Variants in CPN1 observed in about 807,000 individuals in gnomAD.
CPN1 encodes the protein carboxypeptidase N subunit 1.
In CPN1, 37 loss-of-function variants were observed where a neutral mutation model predicts 46.4. The ratio of observed to expected loss-of-function variants is 0.80; its 90% CI spans 0.61 to 1.05. CPN1 has a LOEUF of 1.05. CPN1 is among the 50% of genes least tolerant of loss of function. The pLI is 0.00. For synonymous variants in CPN1, 224 were observed against 235.4 expected (o/e 0.95, Z 0.44); for missense variants, 563 against 602.6 (o/e 0.93, Z 0.69).
intron 2 of CPN1, among the ~76,000 whole-genome samples, chr10:100,075,262 C>A (rs1329774200): frequency 3.3e-5 from 5 of 152,180 alleles, no homozygotes; most frequent in Non-Finnish European, 5.9e-5. Context: ...TGCACTCCAG[C>A]CTGGGCAACA....
intron 5 of CPN1, among the ~76,000 whole-genome samples, chr10:100,058,007 C>T (rs1169991424): frequency 1.3e-5 from 2 of 152,088 alleles, no homozygotes; most frequent in Admixed American, 6.6e-5. Flanking sequence ...CCCTTCATTA[C>T]CTTCTTTTTT....
chr10:100,062,359 A>G lies in CPN1; in HGVS notation c.871+1255T>C, dbSNP rs114767527. Among the ~76,000 whole-genome samples the G allele has an allele frequency of 2.5e-3, 374 of 152,290 alleles. 4 individuals are homozygous for G. The highest frequency in any genetic ancestry group is 8.3e-3 in the African/African-American group (345 of 41,554). Reference sequence around the variant, plus strand: ...CTTGAAGGTTACATTATCAATGGCCAATGTCCATGGCAAACCCCTGCTTGT... The same window carrying G: ...CTTGAAGGTTACATTATCAATGGCCGATGTCCATGGCAAACCCCTGCTTGT... On this transcript the variant is annotated intron_variant, in intron 5 of 8. Coordinates refer to ENST00000370418, the MANE Select transcript of CPN1 (RefSeq NM_001308.3).
At chr10:100,045,329 A>G (rs1482055827) in intron 8 of CPN1, among the ~76,000 whole-genome samples, 2 of 152,238 alleles carry the variant, frequency 1.3e-5, no homozygotes, top group East Asian at 3.8e-4. Context: ...TAGCTGCTTA[A>G]CAGTCATTCA....
chr10:100,046,444 C>T (rs1176033164), intron 8 of CPN1, among the ~76,000 whole-genome samples: 2 of 152,118 alleles, frequency 1.3e-5, no homozygotes, highest in African/African-American at 4.8e-5. Flanking sequence ...TGCCCTCCAG[C>T]CTGGGCTACA....
intron 6 of CPN1, 141 bp downstream of exon 6, chr10:100,056,872 T>A: frequency 9.6e-7 from 1 of 1,038,100 alleles, no homozygotes; most frequent in Non-Finnish European, 1.5e-6. Context: ...GTTGAATGAA[T>A]AAATCTCAAT....
chr10:100,059,075 A>G (rs2041401901), intron 5 of CPN1, among the ~76,000 whole-genome samples: 2 of 152,212 alleles, frequency 1.3e-5, no homozygotes, highest in African/African-American at 4.8e-5. Flanking sequence ...ACCCAAAACT[A>G]TAAAACTCTT....
Position 100,065,246 on chromosome 10 carries a change from A to G in CPN1, c.701T>C (p.Val234Ala). The change falls in exon 4 of 9, where the codon GTC becomes GCC. Residue 234 changes from valine to alanine, a missense_variant. Val to Ala is a moderately conservative substitution (Grantham distance 64). Coordinates refer to ENST00000370418, the MANE Select transcript of CPN1 (RefSeq NM_001308.3). The part of the protein sequence containing the change: ...YPYDKSFEHR[V>A]RGVRRTASTP... ...GCTGGCGGTGCGGCGGACCCCTCGG[A>G]CCCGGTGCTCAAAGGACTTGTCATA... The G allele has an allele frequency of 6.2e-7, 1 of 1,614,030 alleles. No homozygotes were observed. The highest frequency in any genetic ancestry group is 1.1e-5 in the South Asian group (1 of 91,066).
Position 100,042,394 on chromosome 10 carries a change from G to A in CPN1, c.*33C>T, listed in dbSNP as rs759832258. The A allele has an allele frequency of 3.1e-6, 5 of 1,612,060 alleles. No individual in the cohort carries two copies. In the East Asian group the frequency reaches 6.7e-5, roughly 22 times the overall value. On this transcript the variant is annotated 3_prime_UTR_variant, in exon 9 of 9. Coordinates refer to ENST00000370418, the MANE Select transcript of CPN1 (RefSeq NM_001308.3). ...GATCTGATCTGAGAGCAGGAGCAAA[G>A]CCTTTCTGAAGGGTTGCCTGGCACT...
At position 100,069,608 on chromosome 10, in the gene CPN1, G is replaced by A. The variant is rs143050337; in HGVS notation, c.576+106C>T. 1.8e-4 allele frequency: 239 copies of A among 1,319,318 alleles called. No homozygotes were observed. In the African/African-American group the frequency reaches 3.2e-3, roughly 18 times the overall value. 81.7% of individuals were successfully genotyped at this position (1,319,318 alleles called of 1,614,324 possible). On this transcript the variant is annotated intron_variant, in intron 3 of 8. Coordinates refer to ENST00000370418, the MANE Select transcript of CPN1 (RefSeq NM_001308.3). ...TGGGTTAATACTGAGTTGAGTTGAT[G>A]CTTAATTCTTGCTTGTTTAGTTGAT...
intron 1 of CPN1, among the ~76,000 whole-genome samples, chr10:100,080,655 G>C (rs924490488): frequency 1.3e-5 from 2 of 152,252 alleles, no homozygotes; most frequent in Admixed American, 1.3e-4. Flanking sequence ...AACACTGGGA[G>C]GCCAAGGTGG....
In CPN1 at chr10:100,048,844, G is replaced by C. The variant is rs1234856309; in HGVS notation, c.1144C>G (p.Pro382Ala). The C allele has an allele frequency of 6.2e-7, 1 of 1,613,742 alleles. No individual in the cohort carries two copies. Among genetic ancestry groups the C allele is most frequent in the East Asian group, 2.2e-5 (1 of 44,870 alleles). The change falls in exon 8 of 9, where the codon CCA (proline) becomes GCA (alanine). Residue 382 changes from proline to alanine, a missense_variant. Transcript: ENST00000370418. ...DHGDYFRLLL[P>A]GIYTVSATAP... is the part of the protein sequence containing the mutation. ...GTGGCACTAACAGTGTAGATACCTGGAAGCAGCAGCCGGAAGTAATCACCA... is the reference window on the plus strand; with the variant it reads ...GTGGCACTAACAGTGTAGATACCTGCAAGCAGCAGCCGGAAGTAATCACCA...
At chr10:100,052,729 A>T (rs1196554228) in intron 7 of CPN1, among the ~76,000 whole-genome samples, 1 of 152,106 alleles carries the variant, frequency 6.6e-6, no homozygotes, top group Non-Finnish European at 1.5e-5. Flanking sequence ...AAAATAAAAA[A>T]ATTAGCTGAG....
rs1022955215 is a variant in CPN1 at position 100,042,347 on chromosome 10, T to A, written c.*80A>T. On this transcript the variant is annotated 3_prime_UTR_variant, in exon 9 of 9. Transcript: ENST00000370418. ...TGTTTGTATTTAAATATGTCCCAGA[T>A]AATAAAATAGAAAGAATGCTTGATC... The A allele has an allele frequency of 6.4e-7, 1 of 1,555,816 alleles. No individual in the cohort carries two copies. The highest frequency in any genetic ancestry group is 1.7e-5 in the Admixed American group (1 of 59,900).
chr10:100,049,868 T>A (rs553004266), intron 7 of CPN1, among the ~76,000 whole-genome samples: 69 of 152,188 alleles, frequency 4.5e-4, no homozygotes, highest in Non-Finnish European at 8.7e-4. Flanking sequence ...CAAACTCCCC[T>A]CCAGTAAAGG....
At chr10:100,047,329 A>AGAG (rs765612339) in intron 8 of CPN1, among the ~76,000 whole-genome samples, 2 of 151,994 alleles carry the variant, frequency 1.3e-5, no homozygotes, top group African/African-American at 2.4e-5. Context: ...GAGAAGAAAG[A>AGAG]GAGGAGGAGG....
intron 3 of CPN1, among the ~76,000 whole-genome samples, chr10:100,066,816 A>G (rs2041457206): frequency 6.6e-6 from 1 of 152,226 alleles, no homozygotes; most frequent in African/African-American, 2.4e-5. Context: ...CAGAATGAAT[A>G]TAATTGCGAG....
At chr10:100,058,196 T>G (rs1311467456) in intron 5 of CPN1, among the ~76,000 whole-genome samples, 4 of 152,184 alleles carry the variant, frequency 2.6e-5, no homozygotes, top group Non-Finnish European at 4.4e-5. Context: ...CATGACTGAA[T>G]TTCACTTCTT....
chr10:100,055,821 G>A (rs988599406), intron 6 of CPN1, among the ~76,000 whole-genome samples: 2 of 152,248 alleles, frequency 1.3e-5, no homozygotes, highest in Admixed American at 1.3e-4. Flanking sequence ...ACCACGCCTA[G>A]AGACAATTTC....
At chr10:100,074,716 C>A (rs921939578) in intron 2 of CPN1, among the ~76,000 whole-genome samples, 2 of 151,992 alleles carry the variant, frequency 1.3e-5, no homozygotes, top group South Asian at 4.2e-4. Flanking sequence ...CACGCCCGGC[C>A]GAAAACCCTG....
Sources: allele counts gnomAD v4.1 joint callset (sites outside exome capture counted in the v4.1 genomes callset), GRCh38; gene constraint gnomAD v4.1.1; transcripts MANE v1.5; gene names NCBI Gene and HGNC (gene_info 2026-07-23, HGNC 2026-07-21).